Variants in RBFOX1 observed in about 807,000 individuals in gnomAD.
RBFOX1 encodes RNA binding fox-1 homolog 1.
RBFOX1 carries 8 observed loss-of-function variants against 57.7 expected under a neutral mutation model. The ratio of observed to expected loss-of-function variants is 0.14; its 90% CI spans 0.08 to 0.25. The LOEUF is 0.25. RBFOX1 is among the 10% of genes least tolerant of loss of function. The pLI, the probability that RBFOX1 is intolerant of heterozygous loss-of-function variation, is 1.00. For missense variants in RBFOX1, 611 were observed against 548.5 expected (o/e 1.11, Z -1.14); for synonymous variants, 326 against 222.4 (o/e 1.47, Z -4.15).
At chr16:6,234,201 C>A (rs1055494569) in intron 1 of RBFOX1, among the ~76,000 whole-genome samples, 1 of 152,208 alleles carries the variant, frequency 6.6e-6, no homozygotes, top group Non-Finnish European at 1.5e-5. Context: ...CCCTTCACCA[C>A]GCACTTGTTT....
At chr16:7,466,049 T>G (rs545190030) in intron 4 of RBFOX1, among the ~76,000 whole-genome samples, 3 of 152,268 alleles carry the variant, frequency 2.0e-5, no homozygotes, top group Non-Finnish European at 4.4e-5. Context: ...TGAGCTTAGG[T>G]TGGAGTAAAC....
intron 3 of RBFOX1, among the ~76,000 whole-genome samples, chr16:6,696,630 A>G (rs1280157417): frequency 1.3e-5 from 2 of 152,168 alleles, no homozygotes; most frequent in African/African-American, 2.4e-5. Context: ...ATATTATACT[A>G]TATTCCCTTC....
At chr16:5,581,958 C>G (rs2046682035) in intron 2 of RBFOX1, among the ~76,000 whole-genome samples, 1 of 152,196 alleles carries the variant, frequency 6.6e-6, no homozygotes. Context: ...AACTGAGAAA[C>G]TCCTTTGGGG....
At chr16:6,740,275 G>C (rs1244446472) in intron 3 of RBFOX1, among the ~76,000 whole-genome samples, 1 of 152,064 alleles carries the variant, frequency 6.6e-6, no homozygotes, top group African/African-American at 2.4e-5. Context: ...CTCGATAAAG[G>C]ATATGTGCAA....
intron 3 of RBFOX1, among the ~76,000 whole-genome samples, chr16:5,758,143 A>G (rs1419992534): frequency 6.6e-6 from 1 of 152,232 alleles, no homozygotes; most frequent in Non-Finnish European, 1.5e-5. Flanking sequence ...TTGAGCCAGG[A>G]AAGACTCCAC....
Position 5,472,217 on chromosome 16 carries a change from G to A in RBFOX1, c.258+4963G>A, listed in dbSNP as rs116099611. 2.2e-3 allele frequency among the ~76,000 whole-genome samples: 331 copies of A among 152,042 alleles called. 1 individual carries two copies. The highest frequency in any genetic ancestry group is 7.5e-3 in the African/African-American group (312 of 41,446). On this transcript the variant is annotated intron_variant, in intron 2 of 2. Coordinates refer to the RBFOX1 transcript ENST00000585867. ...AGCACCCTCCTTTTTATTCTGTTTC[G>A]GTTCCTCCTCACTCCAGAGCTTCCA...
At chr16:7,598,285 TA>T (rs2094814733) in intron 9 of RBFOX1, among the ~76,000 whole-genome samples, 1 of 151,984 alleles carries the variant, frequency 6.6e-6, no homozygotes, top group African/African-American at 2.4e-5. Flanking sequence ...GTCTCATAAT[TA>T]AAAAATTGAC....
intron 1 of RBFOX1, among the ~76,000 whole-genome samples, chr16:5,253,306 C>T (rs757933035): frequency 3.3e-5 from 5 of 152,132 alleles, no homozygotes; most frequent in Admixed American, 3.3e-4. Context: ...CCCACAACCA[C>T]ACCCAGCTAA....
At chr16:5,445,656 A>G (rs1192991476) in intron 1 of RBFOX1, among the ~76,000 whole-genome samples, 1 of 152,186 alleles carries the variant, frequency 6.6e-6, no homozygotes, top group Non-Finnish European at 1.5e-5. Context: ...CTGTAGCATC[A>G]TCTGAGTCAC....
intron 4 of RBFOX1, among the ~76,000 whole-genome samples, chr16:5,908,159 T>TATATATACACATATATACAC (rs755716992): frequency 1.5e-5 from 2 of 129,264 alleles, no homozygotes; most frequent in African/African-American, 3.4e-5. Context: ...TATATACACA[T>TATATATACACATATATACAC]ATATATACAC....
intron 1 of RBFOX1, among the ~76,000 whole-genome samples, chr16:6,053,496 A>G (rs1047192181): frequency 6.6e-6 from 1 of 152,192 alleles, no homozygotes; most frequent in Non-Finnish European, 1.5e-5. Context: ...AAAGAAAATC[A>G]TTTAGTTGAA....
chr16:5,823,400 A>C (rs965981191), intron 3 of RBFOX1, among the ~76,000 whole-genome samples: 1 of 152,170 alleles, frequency 6.6e-6, no homozygotes, highest in Non-Finnish European at 1.5e-5. Context: ...AACCAAATGC[A>C]ACATAGCATG....
At chr16:5,831,472 T>TA (rs1314842179) in intron 3 of RBFOX1, among the ~76,000 whole-genome samples, 31 of 113,302 alleles carry the variant, frequency 2.7e-4, no homozygotes, top group African/African-American at 8.1e-4. Flanking sequence ...CTCTTTTCTC[T>TA]TTTATTATTA....
intron 3 of RBFOX1, among the ~76,000 whole-genome samples, chr16:6,884,851 G>A (rs574664144): frequency 1.1e-4 from 17 of 152,240 alleles, no homozygotes; most frequent in African/African-American, 4.1e-4. Flanking sequence ...TCAGCCCAGA[G>A]TGCTCCACTG....
chr16:5,784,349 C>T (rs1380578613), intron 3 of RBFOX1, among the ~76,000 whole-genome samples: 4 of 152,102 alleles, frequency 2.6e-5, no homozygotes, highest in Non-Finnish European at 4.4e-5. Context: ...ATGGCGTGAA[C>T]CCAGGAGGCG....
chr16:5,378,555 A>G (rs507215), intron 1 of RBFOX1, among the ~76,000 whole-genome samples: 45,274 of 151,168 alleles, frequency 0.3, 8,647 homozygotes, highest in African/African-American at 0.51. Flanking sequence ...CTAGGGCAGC[A>G]AGTTGTCCCA....
At chr16:7,681,692 GT>G (rs976851252) in intron 14 of RBFOX1, among the ~76,000 whole-genome samples, 15 of 151,978 alleles carry the variant, frequency 9.9e-5, no homozygotes, top group African/African-American at 3.6e-4. Context: ...TTAAGAAGAT[GT>G]TGTATTTTAT....
intron 1 of RBFOX1, among the ~76,000 whole-genome samples, chr16:5,321,084 T>G (rs2064390066): frequency 1.3e-5 from 2 of 152,196 alleles, no homozygotes; most frequent in Admixed American, 1.3e-4. Context: ...ATCCAAGCAC[T>G]GGAGACTGAA....
intron 3 of RBFOX1, among the ~76,000 whole-genome samples, chr16:5,791,641 A>T (rs544501369): frequency 6.6e-6 from 1 of 152,304 alleles, no homozygotes; most frequent in Admixed American, 6.5e-5. Context: ...ACACTATAGC[A>T]AGTATTAGAG....
Sources: allele counts gnomAD v4.1 joint callset (sites outside exome capture counted in the v4.1 genomes callset), GRCh38; gene constraint gnomAD v4.1.1; transcripts MANE v1.5; gene names NCBI Gene and HGNC (gene_info 2026-07-23, HGNC 2026-07-21).